ANKS6: variants seen among roughly 807,000 people sequenced by gnomAD.
ANKS6 encodes the protein ankyrin repeat and SAM domain-containing protein 6.
A neutral mutation model predicts 77.9 loss-of-function variants in ANKS6; 47 were observed. That is an observed-to-expected ratio of 0.60 (90% confidence interval 0.48 to 0.77). The LOEUF (loss-of-function observed/expected upper bound fraction) is 0.77, where lower values mean the gene tolerates loss of function less well. ANKS6 is among the 30% of genes least tolerant of loss of function. ANKS6 has a pLI of 0.00. For synonymous variants in ANKS6, 488 were observed against 501.7 expected (o/e 0.97, Z 0.37); for missense variants, 1,150 against 1,159.1 (o/e 0.99, Z 0.11).
At chr9:98,777,661 C>T (rs866369185) in intron 7 of ANKS6, among the ~76,000 whole-genome samples, 3 of 152,136 alleles carry the variant, frequency 2.0e-5, no homozygotes, top group South Asian at 4.2e-4. Context: ...AAACCACTGC[C>T]GTACTGAGTC....
At chr9:98,792,595 A>G (rs147249621) in intron 1 of ANKS6, among the ~76,000 whole-genome samples, 1 of 152,370 alleles carries the variant, frequency 6.6e-6, no homozygotes, top group African/African-American at 2.4e-5. Flanking sequence ...TACATTTCTA[A>G]AAGATTACAC....
chr9:98,784,549 A>T (rs1311842968), intron 3 of ANKS6: 1 of 441,798 alleles, frequency 2.3e-6, no homozygotes, highest in Non-Finnish European at 4.0e-6. Flanking sequence ...TGTCACAAAG[A>T]GACTGGAGTG....
At chr9:98,774,148 A>G (rs2118055480) in intron 8 of ANKS6, 68 bp from the exon 9 acceptor site, 2 of 1,305,064 alleles carry the variant, frequency 1.5e-6, no homozygotes, top group South Asian at 4.2e-5. Context: ...GAAAGACTCC[A>G]TGTTTTTCCT....
At chr9:98,745,537 T>C in intron 14 of ANKS6, 22 bp downstream of exon 14, 1 of 1,596,750 alleles carries the variant, frequency 6.3e-7, no homozygotes, top group Non-Finnish European at 8.6e-7. Flanking sequence ...AACACGGAAA[T>C]ACAAGAAACA....
intron 8 of ANKS6, 73 bp from the exon 9 acceptor site, chr9:98,774,153 T>C (rs956745193): frequency 2.3e-6 from 3 of 1,305,780 alleles, no homozygotes; most frequent in African/African-American, 3.0e-5. Context: ...ACTCCATGTT[T>C]TTCCTGCTTC....
chr9:98,741,203 GAA>G (rs1286513025), intron 14 of ANKS6, among the ~76,000 whole-genome samples: 1 of 152,206 alleles, frequency 6.6e-6, no homozygotes, highest in South Asian at 2.1e-4. Context: ...AAATTTATAT[GAA>G]AAAGAGTTCT....
intron 2 of ANKS6, among the ~76,000 whole-genome samples, chr9:98,789,428 TAAAAAAAAA>T (rs11437180): frequency 7.7e-6 from 1 of 129,994 alleles, no homozygotes; most frequent in Admixed American, 7.8e-5. Flanking sequence ...GGCAAGAAGT[TAAAAAAAAA>T]AAAAAAAAAA....
intron 8 of ANKS6, among the ~76,000 whole-genome samples, chr9:98,774,890 G>A (rs539779273): frequency 6.6e-6 from 1 of 152,338 alleles, no homozygotes; most frequent in South Asian, 2.1e-4. Context: ...ACTCGCCTCG[G>A]GAGCCGAGCA....
At chr9:98,759,580 T>G (rs1197105374) in intron 11 of ANKS6, among the ~76,000 whole-genome samples, 1 of 152,216 alleles carries the variant, frequency 6.6e-6, no homozygotes, top group East Asian at 1.9e-4. Context: ...CTCCTTGGGT[T>G]TGATTAATTG....
At chr9:98,780,903 CTTT>C (rs201837649) in intron 5 of ANKS6, among the ~76,000 whole-genome samples, 8 of 141,642 alleles carry the variant, frequency 5.6e-5, no homozygotes, top group Admixed American at 2.1e-4. Context: ...ATGACTATTT[CTTT>C]TTTTTTTTTT....
chr9:98,732,562 G>C lies in ANKS6; in HGVS notation c.*3957C>G, dbSNP rs1438397210. The C allele has an allele frequency of 6.4e-7, 1 of 1,550,584 alleles. No individual in the cohort carries two copies. Among genetic ancestry groups the C allele is most frequent in the East Asian group, 2.4e-5 (1 of 40,918 alleles). ...CACCCACCCAACCATGGCTACGTCA[G>C]GGCAGAAGGGAGAGAAGAAAGAGAG... On this transcript the variant is annotated 3_prime_UTR_variant, in exon 15 of 15. Transcript: ENST00000353234.
At chr9:98,780,572 A>T (rs1000463251) in intron 5 of ANKS6, among the ~76,000 whole-genome samples, 2 of 152,226 alleles carry the variant, frequency 1.3e-5, no homozygotes, top group Non-Finnish European at 2.9e-5. Context: ...CTCATGAGGA[A>T]GGCAGGGGGA....
chr9:98,764,676 T>C (rs1481866333), intron 11 of ANKS6, among the ~76,000 whole-genome samples: 1 of 152,242 alleles, frequency 6.6e-6, no homozygotes, highest in Non-Finnish European at 1.5e-5. Context: ...AAGGTATTTC[T>C]CAACTCCATT....
At chr9:98,767,988 A>C in intron 11 of ANKS6, 93 bp downstream of exon 11, 1 of 1,473,634 alleles carries the variant, frequency 6.8e-7, no homozygotes, top group Non-Finnish European at 9.0e-7. Context: ...GTCCTGTCCC[A>C]TGACTAAGGC....
At position 98,736,442 on chromosome 9, in the gene ANKS6, G is replaced by C; in HGVS notation, c.*77C>G. On this transcript the variant is annotated 3_prime_UTR_variant, in exon 15 of 15. Coordinates refer to ENST00000353234, the MANE Select transcript of ANKS6 (RefSeq NM_173551.5). ...GACTAAGGCACAGCAGTGTGACGGG[G>C]GCAGGGCTGGGGCTGTGGCCACGTG... 2.0e-6 allele frequency: 3 copies of C among 1,494,934 alleles called. No homozygotes were observed. The allele number at this position is 1,494,934 out of a possible 1,614,324, so 92.6% of individuals were successfully genotyped here. A position where few individuals can be genotyped will look rare whatever the true frequency, so the allele number is the denominator to read the frequency against.
chr9:98,794,340 T>C (rs1336835060), intron 1 of ANKS6, among the ~76,000 whole-genome samples: 1 of 152,096 alleles, frequency 6.6e-6, no homozygotes, highest in Non-Finnish European at 1.5e-5. Context: ...AGCAGGATTC[T>C]GGGGGCGTAT....
chr9:98,793,771 G>C (rs1835031744), intron 1 of ANKS6, among the ~76,000 whole-genome samples: 6 of 151,400 alleles, frequency 4.0e-5, no homozygotes, highest in Non-Finnish European at 8.8e-5. Context: ...CTGACCTCCT[G>C]ATCTGCCCGC....
Position 98,734,125 on chromosome 9 carries a change from T to G in ANKS6, c.*2394A>C. 1 of 985,430 alleles carries G rather than the reference T, an allele frequency of 1.0e-6. No individual in the cohort carries two copies. The highest frequency in any genetic ancestry group is 1.2e-6 in the Non-Finnish European group (1 of 830,002). 61.0% of individuals were successfully genotyped at this position (985,430 alleles called of 1,614,324 possible). On this transcript the variant is annotated 3_prime_UTR_variant, in exon 15 of 15. Coordinates refer to ENST00000353234, the MANE Select transcript of ANKS6 (RefSeq NM_173551.5). ...TTCTCTTCCCTGCCTACCAGCCGCA[T>G]CCAAACATCCCCAGAAAGGGTGCCA... is the stretch of plus-strand genomic sequence containing the variant.
intron 9 of ANKS6, 137 bp from the exon 10 acceptor site, chr9:98,771,183 G>C: frequency 9.6e-7 from 1 of 1,040,814 alleles, no homozygotes; most frequent in Non-Finnish European, 1.3e-6. Context: ...GGCCCTGCCA[G>C]GGCCCAGCTG....
Sources: gnomAD v4.1 joint callset for allele counts (sites outside exome capture counted in the v4.1 genomes callset) on GRCh38, gnomAD v4.1.1 for gene constraint, MANE v1.5 for transcripts, NCBI Gene and HGNC (gene_info 2026-07-23, HGNC 2026-07-21) for gene names.